The following VNN1 variants were observed in gnomAD, a reference collection of about 807,000 sequenced individuals.
VNN1 encodes the protein pantetheinase.
Under a neutral mutation model 41.9 loss-of-function variants are expected in VNN1, and 29 were observed. The ratio of observed to expected loss-of-function variants is 0.69; its 90% CI spans 0.52 to 0.94. The LOEUF (loss-of-function observed/expected upper bound fraction) is 0.94. Ranked by LOEUF, VNN1 falls within the 40% of genes least tolerant of loss-of-function variation. The pLI, the probability that VNN1 is intolerant of heterozygous loss-of-function variation, is 0.00. For synonymous variants in VNN1, 233 were observed against 224.4 expected (o/e 1.04, Z -0.34); for missense variants, 637 against 621.1 (o/e 1.03, Z -0.27).
At chr6:132,705,929 TAC>T (rs1356869695) in intron 2 of VNN1, among the ~76,000 whole-genome samples, 3 of 152,032 alleles carry the variant, frequency 2.0e-5, no homozygotes, top group Non-Finnish European at 4.4e-5. Flanking sequence ...ATAAATAAAA[TAC>T]AATACCTAGG....
At chr6:132,710,738 T>C (rs186366044) in intron 2 of VNN1, among the ~76,000 whole-genome samples, 3 of 152,358 alleles carry the variant, frequency 2.0e-5, no homozygotes, top group African/African-American at 4.8e-5. Context: ...TTCTGTGGTA[T>C]ATATGTGCCA....
At chr6:132,695,646 TGTC>T (rs1778358794) in intron 2 of VNN1, among the ~76,000 whole-genome samples, 1 of 152,218 alleles carries the variant, frequency 6.6e-6, no homozygotes, top group East Asian at 1.9e-4. Flanking sequence ...AAAGAACCAG[TGTC>T]TTATTTATTT....
At chr6:132,683,895 G>A (rs995429873) in intron 6 of VNN1, among the ~76,000 whole-genome samples, 2 of 152,050 alleles carry the variant, frequency 1.3e-5, no homozygotes, top group African/African-American at 2.4e-5. Flanking sequence ...GCTAACATCC[G>A]CCACTGTCAA....
chr6:132,693,416 T>G, intron 3 of VNN1, 101 bp from the exon 4 acceptor site: 1 of 1,174,860 alleles, frequency 8.5e-7, no homozygotes, highest in South Asian at 1.7e-5. Context: ...AGTGCCAATT[T>G]CATCTATGAT....
chr6:132,692,087 C>A, intron 5 of VNN1, 136 bp downstream of exon 5: 10 of 1,011,520 alleles, frequency 9.9e-6, no homozygotes, highest in South Asian at 8.7e-5. Flanking sequence ...AAATAAACAA[C>A]AAAATTTTTA....
chr6:132,694,234 T>C (rs1778335377), intron 2 of VNN1, 52 bp from the exon 3 acceptor site: 4 of 1,491,652 alleles, frequency 2.7e-6, no homozygotes, highest in Non-Finnish European at 3.6e-6. Flanking sequence ...ATCTTAACTC[T>C]CAACAAAATC....
intron 2 of VNN1, among the ~76,000 whole-genome samples, chr6:132,706,693 G>A (rs1226440228): frequency 1.3e-5 from 2 of 151,914 alleles, no homozygotes; most frequent in Admixed American, 1.3e-4. Context: ...GCACAGCAGG[G>A]GAAACTATCA....
intron 5 of VNN1, among the ~76,000 whole-genome samples, chr6:132,688,015 G>A (rs1778231055): frequency 6.6e-6 from 1 of 152,078 alleles, no homozygotes; most frequent in Admixed American, 6.5e-5. Flanking sequence ...ACCTCTCTTT[G>A]TGTCTCTTCC....
In VNN1 at chr6:132,681,072, G is replaced by GC. The variant is rs978893993; in HGVS notation, c.*2067dup. ...TAGCATCCAAAATGGCCCCCATGAA[G>GC]CCCCACCTCCTGATATTCTCAACTC... On this transcript the variant is annotated 3_prime_UTR_variant, in exon 7 of 7. Coordinates refer to ENST00000367928, the MANE Select transcript of VNN1 (RefSeq NM_004666.3). Among the ~76,000 whole-genome samples the GC allele has an allele frequency of 6.6e-6, 1 of 151,926 alleles. No homozygotes were observed. The highest frequency in any genetic ancestry group is 6.6e-5 in the Admixed American group (1 of 15,258).
chr6:132,704,327 A>T (rs1260613315), intron 2 of VNN1, among the ~76,000 whole-genome samples: 2 of 152,104 alleles, frequency 1.3e-5, no homozygotes, highest in East Asian at 3.8e-4. Flanking sequence ...ACAAATCTTA[A>T]AACATTAAAA....
At chr6:132,694,869 G>A (rs920731612) in intron 2 of VNN1, among the ~76,000 whole-genome samples, 2 of 151,330 alleles carry the variant, frequency 1.3e-5, no homozygotes, top group African/African-American at 2.4e-5. Context: ...CAAATTTTGG[G>A]GGGCCAGGTG....
chr6:132,706,868 C>T (rs1582778030), intron 2 of VNN1, among the ~76,000 whole-genome samples: 1 of 121,058 alleles, frequency 8.3e-6, no homozygotes, highest in African/African-American at 3.8e-5. Context: ...AGACATTTCT[C>T]AAAAGAAGTT....
At chr6:132,704,420 A>G (rs114254373) in intron 2 of VNN1, among the ~76,000 whole-genome samples, 2,935 of 152,260 alleles carry the variant, frequency 0.019, 94 homozygotes, top group African/African-American at 0.067. Flanking sequence ...TTTGAAAACT[A>G]TACAAACATA....
chr6:132,684,289 G>T (rs376808165), intron 6 of VNN1, 46 bp downstream of exon 6: 1 of 1,558,486 alleles, frequency 6.4e-7, no homozygotes, highest in African/African-American at 1.4e-5. Context: ...ATCAAAAAGT[G>T]CTTCCTCTTA....
At chr6:132,684,203 A>G (rs966139883) in intron 6 of VNN1, 132 bp downstream of exon 6, 1 of 915,490 alleles carries the variant, frequency 1.1e-6, no homozygotes, top group Non-Finnish European at 1.6e-6. Context: ...AATGTCCTTC[A>G]TGATCCCCAA....
intron 2 of VNN1, among the ~76,000 whole-genome samples, chr6:132,695,096 G>A (rs192835360): frequency 7.9e-5 from 12 of 152,298 alleles, no homozygotes; most frequent in African/African-American, 2.2e-4. Flanking sequence ...AGGTTGTGGT[G>A]AGCTGAGATC....
intron 2 of VNN1, among the ~76,000 whole-genome samples, chr6:132,702,089 C>T (rs1431674745): frequency 1.3e-5 from 2 of 152,166 alleles, no homozygotes; most frequent in Non-Finnish European, 2.9e-5. Context: ...CCAGGGGTTC[C>T]CAATCCCTAT....
At chr6:132,702,309 A>C (rs1778458837) in intron 2 of VNN1, among the ~76,000 whole-genome samples, 1 of 152,202 alleles carries the variant, frequency 6.6e-6, no homozygotes, top group South Asian at 2.1e-4. Context: ...CCTTATGAGA[A>C]TTTAACTAAT....
intron 2 of VNN1, 62 bp from the exon 3 acceptor site, chr6:132,694,244 C>T: frequency 6.8e-7 from 1 of 1,461,092 alleles, no homozygotes; most frequent in Non-Finnish European, 9.2e-7. Context: ...TCAACAAAAT[C>T]CTGAATGATA....
Sources: gnomAD v4.1 joint callset for allele counts (sites outside exome capture counted in the v4.1 genomes callset) on GRCh38, gnomAD v4.1.1 for gene constraint, MANE v1.5 for transcripts, NCBI Gene and HGNC (gene_info 2026-07-23, HGNC 2026-07-21) for gene names.